The following SLC28A1 variants were observed in gnomAD, a reference collection of about 807,000 sequenced individuals.
SLC28A1 encodes the protein solute carrier family 28 member 1, also known as sodium/nucleoside cotransporter 1.
Under a neutral mutation model 74.8 loss-of-function variants are expected in SLC28A1, and 64 were observed. The observed-to-expected ratio is 0.86, with a 90% confidence interval of 0.70 to 1.05. The LOEUF (loss-of-function observed/expected upper bound fraction) is 1.05. Ranked by LOEUF, SLC28A1 falls within the 50% of genes least tolerant of loss-of-function variation. The pLI is 0.00. For synonymous variants in SLC28A1, 359 were observed against 335.0 expected (o/e 1.07, Z -0.78); for missense variants, 828 against 822.8 (o/e 1.01, Z -0.08).
chr15:84,913,882 C>T (rs1968708592), intron 9 of SLC28A1, among the ~76,000 whole-genome samples: 1 of 152,192 alleles, frequency 6.6e-6, no homozygotes, highest in African/African-American at 2.4e-5. Context: ...TTGCTCTCTG[C>T]CTACTTGGTC....
chr15:84,924,366 T>C (rs1484256109), intron 12 of SLC28A1, among the ~76,000 whole-genome samples: 1 of 151,976 alleles, frequency 6.6e-6, no homozygotes, highest in Non-Finnish European at 1.5e-5. Flanking sequence ...ATGCTAGGTG[T>C]TTTAATATCC....
At chr15:84,906,569 TCTTTCTTCCTTC>T (rs1567140627) in intron 8 of SLC28A1, among the ~76,000 whole-genome samples, 3 of 84,500 alleles carry the variant, frequency 3.6e-5, no homozygotes, top group Non-Finnish European at 5.0e-5. Flanking sequence ...TCTTTCTCTT[TCTTTCTTCCTTC>T]CTTCCTTCCT....
chr15:84,908,621 T>A, intron 8 of SLC28A1, 97 bp from the exon 9 acceptor site: 1 of 1,016,446 alleles, frequency 9.8e-7, no homozygotes, highest in Non-Finnish European at 1.5e-6. Flanking sequence ...GGGGACTACG[T>A]CCCTGGGCCA....
In SLC28A1 at chr15:84,935,505, A is replaced by G. The variant is rs1971776438; in HGVS notation, c.1568A>G (p.Lys523Arg). 1 of 1,613,322 alleles carries G rather than the reference A, an allele frequency of 6.2e-7. No individual in the cohort carries two copies. Among genetic ancestry groups the G allele is most frequent in the Non-Finnish European group, 8.5e-7 (1 of 1,179,926 alleles). Reference sequence around the variant, plus strand: ...GCCGAGGAGTGGGTCGGCGACAGGAAGCAGTGGATCTCCGTGAGTGTCCCA... The same window carrying G: ...GCCGAGGAGTGGGTCGGCGACAGGAGGCAGTGGATCTCCGTGAGTGTCCCA... ...AGAEEWVGDR[K>R]QWISVRAEVL... Residue 523 changes from lysine (K) to arginine (R), a missense_variant, in exon 15 of 19, where the codon AAG becomes AGG. Physicochemically the swap from Lys to Arg is conservative, Grantham distance 26 (BLOSUM62 2). Coordinates refer to ENST00000394573, the MANE Select transcript of SLC28A1 (RefSeq NM_004213.5).
intron 12 of SLC28A1, among the ~76,000 whole-genome samples, chr15:84,926,142 A>ATATT (rs1264496776): frequency 6.7e-6 from 1 of 148,820 alleles, no homozygotes; most frequent in Non-Finnish European, 1.5e-5. Flanking sequence ...GTATTTTATT[A>ATATT]TATAGAGCAA....
At chr15:84,909,920 G>C (rs759141984) in intron 9 of SLC28A1, among the ~76,000 whole-genome samples, 4 of 152,224 alleles carry the variant, frequency 2.6e-5, no homozygotes, top group Non-Finnish European at 4.4e-5. Context: ...TCCCCACCCT[G>C]CTGGGGGTCT....
At chr15:84,973,009 T>C in the SLC28A1 span, among the ~76,000 whole-genome samples, 2 of 152,164 alleles carry the variant, frequency 1.3e-5, no homozygotes, top group South Asian at 2.1e-4. Context: ...TGTGGACTCG[T>C]ATTACTCCAA....
At chr15:84,915,351 C>T (rs1314468189) in intron 9 of SLC28A1, among the ~76,000 whole-genome samples, 1 of 152,210 alleles carries the variant, frequency 6.6e-6, no homozygotes, top group Non-Finnish European at 1.5e-5. Context: ...CTCCCAGCTG[C>T]CCGGGCAGAA....
intron 6 of SLC28A1, among the ~76,000 whole-genome samples, chr15:84,898,646 G>C (rs1433322739): frequency 3.3e-5 from 5 of 151,876 alleles, no homozygotes; most frequent in Non-Finnish European, 7.4e-5. Flanking sequence ...CAGAGACCAG[G>C]TTTATCCTCC....
chr15:84,947,742 A>G (rs964920219), downstream of SLC28A1, among the ~76,000 whole-genome samples: 2 of 152,072 alleles, frequency 1.3e-5, no homozygotes, highest in African/African-American at 4.8e-5. Flanking sequence ...AATCCCATTC[A>G]TGTGGGCTTT....
intron 5 of SLC28A1, among the ~76,000 whole-genome samples, chr15:84,893,118 G>A (rs1430375493): frequency 8.6e-5 from 13 of 151,638 alleles, no homozygotes; most frequent in Admixed American, 8.5e-4. Flanking sequence ...CAGGCCCTGA[G>A]GCGCACAGAC....
chr15:84,936,937 C>G (rs1484491423), intron 15 of SLC28A1, among the ~76,000 whole-genome samples: 1 of 151,962 alleles, frequency 6.6e-6, no homozygotes. Flanking sequence ...CCTGTAGTCC[C>G]AGCTACTTGG....
chr15:84,896,721 CAT>C (rs1966040695), intron 6 of SLC28A1, among the ~76,000 whole-genome samples: 1 of 151,928 alleles, frequency 6.6e-6, no homozygotes, highest in East Asian at 1.9e-4. Context: ...GAAAACTACC[CAT>C]ATGTCTATAA....
chr15:84,899,099 A>G (rs1471415553), intron 6 of SLC28A1, among the ~76,000 whole-genome samples: 1 of 151,772 alleles, frequency 6.6e-6, no homozygotes, highest in East Asian at 2.0e-4. Flanking sequence ...GGCCAGGAAT[A>G]GTGTCTATTC....
At chr15:84,958,303 G>A in the SLC28A1 span, among the ~76,000 whole-genome samples, 7 of 152,240 alleles carry the variant, frequency 4.6e-5, 1 homozygote, top group East Asian at 1.4e-3. Context: ...GCCTGCTGCT[G>A]CTCAGCTGTC....
At chr15:84,925,646 C>T (rs1334257874) in intron 12 of SLC28A1, among the ~76,000 whole-genome samples, 3 of 152,122 alleles carry the variant, frequency 2.0e-5, no homozygotes, top group African/African-American at 7.2e-5. Flanking sequence ...TACTGCGTTG[C>T]AACAGGCCTC....
At chr15:84,913,410 C>A (rs916550026) in intron 9 of SLC28A1, among the ~76,000 whole-genome samples, 3 of 152,132 alleles carry the variant, frequency 2.0e-5, no homozygotes, top group Non-Finnish European at 4.4e-5. Flanking sequence ...GTTTATCTGG[C>A]CTTCAAAGCC....
Position 84,918,538 on chromosome 15 carries a change from T to C in SLC28A1, c.810T>C (p.Ile270=). Residue 270 remains isoleucine (I), a synonymous_variant, in exon 10 of 19, where the codon ATT becomes ATC. Transcript: ENST00000394573. ...DVFAFQVLPI[I]VFFSCVISVL... ...CTTCCCGGCAGGTTCTGCCCATCAT[T>C]GTCTTTTTCAGCTGTGTCATATCCG... 1 of 1,613,870 alleles carries C rather than the reference T, an allele frequency of 6.2e-7. No individual in the cohort carries two copies. The highest frequency in any genetic ancestry group is 8.5e-7 in the Non-Finnish European group (1 of 1,179,812).
chr15:84,918,524 G>T lies in SLC28A1; in HGVS notation c.796G>T (p.Val266Phe). 6.2e-7 allele frequency: 1 copy of T among 1,613,340 alleles called. No individual in the cohort carries two copies. The highest frequency in any genetic ancestry group is 8.5e-7 in the Non-Finnish European group (1 of 1,179,386). The change falls in exon 10 of 19, where the codon GTT becomes TTT. Residue 266 changes from valine (V) to phenylalanine (F), a missense_variant and splice_region_variant. This residue lies in a region of SLC28A1 where 767 missense variants were observed against 753.5 expected (regional missense o/e 1.02). Transcript: ENST00000394573. ...ALVKDVFAFQ[V>F]LPIIVFFSCV... ...GGTCCTATGATCTCCTTCCCGGCAG[G>T]TTCTGCCCATCATTGTCTTTTTCAG... is the stretch of plus-strand genomic sequence containing the variant.
Sources: gnomAD v4.1 joint callset for allele counts (sites outside exome capture counted in the v4.1 genomes callset) on GRCh38, gnomAD v4.1.1 for gene constraint, gnomAD v4.1.1 regional missense constraint, MANE v1.5 for transcripts, NCBI Gene and HGNC (gene_info 2026-07-23, HGNC 2026-07-21) for gene names.